The following BTNL8 variants were observed in gnomAD, a reference collection of about 807,000 sequenced individuals.
BTNL8 encodes the protein butyrophilin-like protein 8.
In BTNL8, 22 loss-of-function variants were observed where a neutral mutation model predicts 36.1. The observed-to-expected ratio is 0.61, with a 90% CI of 0.44 to 0.87. The LOEUF is 0.87. BTNL8 is among the 40% of genes least tolerant of loss of function. The pLI is 0.00. For synonymous variants in BTNL8, 203 were observed against 235.6 expected, an observed-to-expected ratio of 0.86 and a Z score of 1.27; for missense variants, 526 against 616.9, an observed-to-expected ratio of 0.85 and a Z score of 1.56.
Position 180,950,528 on chromosome 5 carries a change from C to G in BTNL8, c.1487C>G (p.Pro496Arg), listed in dbSNP as rs780563171. 2 of 1,462,558 alleles carry G rather than the reference C, an allele frequency of 1.4e-6. No homozygotes were observed. Among genetic ancestry groups the G allele is most frequent in the South Asian group, 2.2e-5 (2 of 89,278 alleles). The allele number at this position is 1,462,558 out of a possible 1,614,324, so 90.6% of individuals were successfully genotyped here. ...SSSQATTPFL[P>R]RGEM Reference sequence around the variant, plus strand: ...TCACAGGCAACCACGCCCTTCCTCCCCAGGGGTGAAATGTAGGATGAATCA... The same window carrying G: ...TCACAGGCAACCACGCCCTTCCTCCGCAGGGGTGAAATGTAGGATGAATCA... Residue 496 changes from proline (P) to arginine (R), a missense_variant, in exon 8 of 8, where the codon CCC (proline) becomes CGC (arginine). By Grantham distance (103) the Pro-to-Arg change is moderately radical (BLOSUM62 -2). Transcript: ENST00000340184.
intron 1 of BTNL8, among the ~76,000 whole-genome samples, chr5:180,904,845 T>G (rs1293286532): frequency 1.3e-5 from 2 of 152,090 alleles, no homozygotes; most frequent in African/African-American, 4.8e-5. Flanking sequence ...TTTGCGTATA[T>G]TGAACCAGCC....
intron 1 of BTNL8, among the ~76,000 whole-genome samples, chr5:180,907,746 C>T (rs935522196): frequency 2.0e-5 from 3 of 152,090 alleles, no homozygotes; most frequent in African/African-American, 4.8e-5. Context: ...CAGAGAGGAC[C>T]CTCAGCTGCA....
chr5:180,933,187 G>A (rs1476781317), intron 3 of BTNL8, among the ~76,000 whole-genome samples: 1 of 152,088 alleles, frequency 6.6e-6, no homozygotes, highest in Non-Finnish European at 1.5e-5. Flanking sequence ...TTTAAGGAGA[G>A]ATAAACTGCA....
intron 3 of BTNL8, among the ~76,000 whole-genome samples, chr5:180,945,372 A>C (rs1229003736): frequency 6.6e-6 from 1 of 152,232 alleles, no homozygotes; most frequent in Admixed American, 6.5e-5. Flanking sequence ...AAGAAAATAT[A>C]TGGGCAAAGC....
At chr5:180,909,612 G>C in intron 2 of BTNL8, 1 of 980,976 alleles carries the variant, frequency 1.0e-6, no homozygotes, top group Non-Finnish European at 1.2e-6. Context: ...GGGTGCAGTG[G>C]CTCAAGCCCG....
chr5:180,946,709 A>G (rs947612087), intron 3 of BTNL8, among the ~76,000 whole-genome samples: 25 of 152,234 alleles, frequency 1.6e-4, no homozygotes, highest in Admixed American at 3.3e-4. Context: ...GGGTGACTGT[A>G]GTTAACAATA....
chr5:180,921,832 T>C (rs1013959535), intron 3 of BTNL8, among the ~76,000 whole-genome samples: 3 of 152,142 alleles, frequency 2.0e-5, no homozygotes, highest in African/African-American at 7.2e-5. Flanking sequence ...CTTTGAGTTG[T>C]ATAAATTAAA....
intron 3 of BTNL8, among the ~76,000 whole-genome samples, chr5:180,937,745 C>T: frequency 6.6e-6 from 1 of 152,002 alleles, no homozygotes; most frequent in African/African-American, 2.4e-5. Flanking sequence ...AATATGACAC[C>T]TCCAAAGGAA....
chr5:180,907,637 T>A (rs1421334903), intron 1 of BTNL8, among the ~76,000 whole-genome samples: 5 of 150,966 alleles, frequency 3.3e-5, no homozygotes, highest in African/African-American at 1.2e-4. Flanking sequence ...TTCTGTTTTT[T>A]CCCCATCTTT....
chr5:180,913,157 T>C (rs1757482290), intron 3 of BTNL8, among the ~76,000 whole-genome samples: 1 of 152,150 alleles, frequency 6.6e-6, no homozygotes, highest in African/African-American at 2.4e-5. Context: ...AATGGGGATG[T>C]ATGGGAAGAC....
rs1582070517 is a variant in BTNL8, at chr5:180,949,102, A to G, written c.836-137A>G. On this transcript the variant is annotated intron_variant, in intron 6 of 7. Transcript: ENST00000340184. ...TCTGGGGGAGGTGCATTTTGTAGAG[A>G]AGCCCCATAGCCTTCTTCGGATCTC... 8 of 1,304,852 alleles carry G rather than the reference A, an allele frequency of 6.1e-6. 2 individuals are homozygous for G. In the East Asian group the frequency reaches 2.0e-4, roughly 33 times the overall value. The allele number at this position is 1,304,852 out of a possible 1,614,324, so 80.8% of individuals were successfully genotyped here.
chr5:180,925,726 T>C (rs1758065408), intron 3 of BTNL8, among the ~76,000 whole-genome samples: 1 of 152,128 alleles, frequency 6.6e-6, no homozygotes, highest in Non-Finnish European at 1.5e-5. Context: ...CTGGTAAAAA[T>C]AATATATAGT....
chr5:180,930,860 C>G (rs901174218), intron 3 of BTNL8, among the ~76,000 whole-genome samples: 2 of 152,088 alleles, frequency 1.3e-5, no homozygotes, highest in African/African-American at 4.8e-5. Flanking sequence ...TAGAAAGACT[C>G]AATATCATGA....
At chr5:180,945,973 CATAAA>C (rs1759220206) in intron 3 of BTNL8, 2 of 164,790 alleles carry the variant, frequency 1.2e-5, no homozygotes, top group Admixed American at 6.0e-5. Flanking sequence ...GCTCTTTGTA[CATAAA>C]ATAAACATTA....
chr5:180,926,703 C>G (rs1367958176), intron 3 of BTNL8, among the ~76,000 whole-genome samples: 1 of 152,192 alleles, frequency 6.6e-6, no homozygotes. Context: ...ACAAAGCCAC[C>G]AGGAAGTTCA....
rs1423667709 is a variant in BTNL8, at chr5:180,922,286, G to C, written c.673+10672G>C. On this transcript the variant is annotated intron_variant, in intron 3 of 7. Coordinates refer to ENST00000340184, the MANE Select transcript of BTNL8 (RefSeq NM_001040462.3). ...CTAGTTCTTTTAGTTGTGATAATAG[G>C]TTCTTAAATTGAGATCTTTCTAACT... Among the ~76,000 whole-genome samples, 4 of 152,032 alleles carry C rather than the reference G, an allele frequency of 2.6e-5. No individual in the cohort carries two copies. The East Asian group carries it at 5.8e-4, about 22-fold the overall frequency.
chr5:180,922,739 A>G (rs1037620061), intron 3 of BTNL8, among the ~76,000 whole-genome samples: 3 of 151,476 alleles, frequency 2.0e-5, no homozygotes, highest in Admixed American at 2.0e-4. Flanking sequence ...CAGGTCCTGA[A>G]TATCTTGTTA....
chr5:180,944,872 G>A (rs934203766), intron 3 of BTNL8, among the ~76,000 whole-genome samples: 5 of 152,134 alleles, frequency 3.3e-5, no homozygotes, highest in African/African-American at 1.2e-4. Context: ...GGAAGGATTA[G>A]CATTGTTAAA....
At chr5:180,931,191 C>A (rs1477473863) in intron 3 of BTNL8, among the ~76,000 whole-genome samples, 2 of 152,038 alleles carry the variant, frequency 1.3e-5, no homozygotes, top group Non-Finnish European at 2.9e-5. Context: ...ACAAACTTGA[C>A]AAAAATAAGC....
Sources: gnomAD v4.1 joint callset for allele counts (sites outside exome capture counted in the v4.1 genomes callset) on GRCh38, gnomAD v4.1.1 for gene constraint, MANE v1.5 for transcripts, NCBI Gene and HGNC (gene_info 2026-07-23, HGNC 2026-07-21) for gene names.